Variants in RBFOX1 observed in about 807,000 individuals in gnomAD.
RBFOX1 encodes the protein RNA binding fox-1 homolog 1, also known as RNA binding protein fox-1 homolog 1.
Under a neutral mutation model 57.7 loss-of-function variants are expected in RBFOX1, and 8 were observed. The observed-to-expected ratio is 0.14, with a 90% CI of 0.08 to 0.25. The LOEUF (loss-of-function observed/expected upper bound fraction) is 0.25. RBFOX1 is among the 10% of genes least tolerant of loss of function. The pLI, the probability that RBFOX1 is intolerant of heterozygous loss-of-function variation, is 1.00. For missense variants in RBFOX1, 611 were observed against 548.5 expected, an observed-to-expected ratio of 1.11 and a Z score of -1.14; for synonymous variants, 326 against 222.4, an observed-to-expected ratio of 1.47 and a Z score of -4.15.
chr16:7,628,516 G>C (rs2060433203), intron 10 of RBFOX1, among the ~76,000 whole-genome samples: 1 of 152,066 alleles, frequency 6.6e-6, no homozygotes, highest in African/African-American at 2.4e-5. Flanking sequence ...CCATTCTTTG[G>C]AGTTTGGTTT....
intron 4 of RBFOX1, among the ~76,000 whole-genome samples, chr16:7,481,571 G>C (rs2063945030): frequency 6.6e-6 from 1 of 152,104 alleles, no homozygotes; most frequent in African/African-American, 2.4e-5. Context: ...AGATGACTAA[G>C]GGCTATTAAA....
Position 7,671,664 on chromosome 16 carries a change from C to G in RBFOX1, c.931-5110C>G, listed in dbSNP as rs2071483742. On this transcript the variant is annotated intron_variant, in intron 13 of 15. Coordinates refer to ENST00000550418, the MANE Select transcript of RBFOX1 (RefSeq NM_018723.4). ...TTGTGGGTTTGCTGTGAAATCCTTA[C>G]TAACAAGATAATTCTGGGGAGGGGA... is the stretch of plus-strand genomic sequence containing the variant. 4 of 1,413,248 alleles carry G rather than the reference C, an allele frequency of 2.8e-6. No homozygotes were observed. The African/African-American group carries it at 5.6e-5, about 20-fold the overall frequency. 87.5% of individuals were successfully genotyped at this position (1,413,248 alleles called of 1,614,324 possible). A position where few individuals can be genotyped will look rare whatever the true frequency, so the allele number is the denominator to read the frequency against.
chr16:7,063,886 C>G (rs899257394), intron 4 of RBFOX1, among the ~76,000 whole-genome samples: 2 of 152,190 alleles, frequency 1.3e-5, no homozygotes, highest in African/African-American at 2.4e-5. Context: ...GCAAATATCA[C>G]TCCATTTTAT....
At chr16:6,860,440 C>A (rs144110877) in intron 3 of RBFOX1, among the ~76,000 whole-genome samples, 52 of 152,306 alleles carry the variant, frequency 3.4e-4, no homozygotes, top group African/African-American at 1.2e-3. Flanking sequence ...GACGCGGGGG[C>A]AGCGGGCGCT....
intron 1 of RBFOX1, among the ~76,000 whole-genome samples, chr16:6,185,606 A>G (rs774790498): frequency 1.2e-4 from 19 of 152,224 alleles, no homozygotes; most frequent in Non-Finnish European, 2.6e-4. Context: ...TTTAAGTACC[A>G]ATGTACACAG....
At chr16:5,346,870 G>C (rs1212349795) in intron 1 of RBFOX1, among the ~76,000 whole-genome samples, 5 of 152,214 alleles carry the variant, frequency 3.3e-5, no homozygotes, top group African/African-American at 1.2e-4. Context: ...TCCCTCAAGA[G>C]CTGGTGTGGG....
At chr16:6,022,225 T>A (rs1347888718) in intron 1 of RBFOX1, among the ~76,000 whole-genome samples, 1 of 150,104 alleles carries the variant, frequency 6.7e-6, no homozygotes, top group African/African-American at 2.5e-5. Context: ...CTTGGCCCCC[T>A]GGGATGAAAG....
At chr16:7,024,057 C>A (rs571940736) in intron 3 of RBFOX1, among the ~76,000 whole-genome samples, 2 of 152,080 alleles carry the variant, frequency 1.3e-5, no homozygotes, top group Non-Finnish European at 2.9e-5. Context: ...GGTCATAAAA[C>A]CAGGGATTTC....
intron 4 of RBFOX1, among the ~76,000 whole-genome samples, chr16:7,447,481 G>A (rs1040003269): frequency 6.7e-6 from 1 of 149,008 alleles, no homozygotes; most frequent in Non-Finnish European, 1.5e-5. Flanking sequence ...AAAATTACTA[G>A]TGCAGAGTTG....
intron 3 of RBFOX1, among the ~76,000 whole-genome samples, chr16:6,827,957 C>G (rs967399516): frequency 6.6e-6 from 1 of 152,222 alleles, no homozygotes; most frequent in Non-Finnish European, 1.5e-5. Flanking sequence ...TTCCACTAGA[C>G]TCTATGCTCT....
At chr16:5,836,552 C>T (rs145364495) in intron 3 of RBFOX1, among the ~76,000 whole-genome samples, 1 of 152,316 alleles carries the variant, frequency 6.6e-6, no homozygotes, top group East Asian at 1.9e-4. Context: ...CACTTCATCC[C>T]CAAGTCCTGC....
intron 4 of RBFOX1, among the ~76,000 whole-genome samples, chr16:5,938,893 A>T (rs954522002): frequency 6.6e-6 from 1 of 152,162 alleles, no homozygotes; most frequent in Non-Finnish European, 1.5e-5. Context: ...AAACCACTAA[A>T]TTTTGGGATG....
chr16:7,453,136 A>AC (rs2057725631), intron 4 of RBFOX1, among the ~76,000 whole-genome samples: 1 of 151,624 alleles, frequency 6.6e-6, no homozygotes, highest in South Asian at 2.1e-4. Context: ...CTCAAAAAAA[A>AC]AAAAAAAAAA....
intron 2 of RBFOX1, among the ~76,000 whole-genome samples, chr16:6,446,442 A>G (rs1405740327): frequency 6.6e-6 from 1 of 152,234 alleles, no homozygotes; most frequent in Non-Finnish European, 1.5e-5. Flanking sequence ...TAAACTTAAA[A>G]AAATTTCTCA....
intron 4 of RBFOX1, among the ~76,000 whole-genome samples, chr16:7,362,665 G>A (rs1481755083): frequency 7.2e-6 from 1 of 139,578 alleles, no homozygotes; most frequent in African/African-American, 2.9e-5. Context: ...TGTTTTTTAT[G>A]TTAGTTTGCA....
chr16:6,752,584 T>G (rs895084476), intron 3 of RBFOX1, among the ~76,000 whole-genome samples: 1 of 152,240 alleles, frequency 6.6e-6, no homozygotes, highest in African/African-American at 2.4e-5. Flanking sequence ...TCACTGAACT[T>G]TGTAAACTTC....
At chr16:6,247,573 C>T (rs1198974317) in intron 1 of RBFOX1, among the ~76,000 whole-genome samples, 1 of 152,168 alleles carries the variant, frequency 6.6e-6, no homozygotes, top group South Asian at 2.1e-4. Flanking sequence ...TTGTGCCAAG[C>T]TTTGTGCAAG....
rs79247160 is a variant in RBFOX1 at position 6,834,452 on chromosome 16, G to A, written c.-16+179802G>A. Among the ~76,000 whole-genome samples the A allele has an allele frequency of 3.3e-5, 5 of 152,202 alleles. No individual in the cohort carries two copies. In the East Asian group the frequency reaches 9.7e-4, roughly 29 times the overall value. ...TTGTTTGGGAGGGGAAGCGTCAATG[G>A]ATGCCTATAGCCTTGCCTGGTACAG... On this transcript the variant is annotated intron_variant, in intron 3 of 15. Coordinates refer to ENST00000550418, the MANE Select transcript of RBFOX1 (RefSeq NM_018723.4).
intron 3 of RBFOX1, among the ~76,000 whole-genome samples, chr16:5,720,041 A>C (rs1187723425): frequency 2.0e-5 from 3 of 152,012 alleles, no homozygotes; most frequent in Non-Finnish European, 4.4e-5. Flanking sequence ...CCTCACAATA[A>C]ATGAAGCTTC....
Sources: allele counts gnomAD v4.1 joint callset (sites outside exome capture counted in the v4.1 genomes callset), GRCh38; gene constraint gnomAD v4.1.1; transcripts MANE v1.5; gene names NCBI Gene and HGNC (gene_info 2026-07-23, HGNC 2026-07-21).